The following SMURF2 variants were observed in gnomAD, a reference collection of about 807,000 sequenced individuals.
SMURF2 encodes SMAD specific E3 ubiquitin protein ligase 2.
A neutral mutation model predicts 109.6 loss-of-function variants in SMURF2; 48 were observed. The observed-to-expected ratio is 0.44, with a 90% CI of 0.35 to 0.56. The LOEUF (loss-of-function observed/expected upper bound fraction) is 0.56. SMURF2 is among the 20% of genes least tolerant of loss of function. The probability of loss-of-function intolerance (pLI) is 0.01; values close to 1 mark genes in which losing one functional copy is unlikely to be tolerated. For synonymous variants in SMURF2, 288 were observed against 317.1 expected, an observed-to-expected ratio of 0.91 and a Z score of 0.97; for missense variants, 575 against 909.0, an observed-to-expected ratio of 0.63 and a Z score of 4.72.
intron 6 of SMURF2, among the ~76,000 whole-genome samples, chr17:64,584,589 C>A (rs1296867432): frequency 6.6e-6 from 1 of 151,850 alleles, no homozygotes; most frequent in Non-Finnish European, 1.5e-5. Context: ...GATCTCTTGA[C>A]CATGTAGTCC....
chr17:64,614,826 G>A (rs1440963916), intron 1 of SMURF2, among the ~76,000 whole-genome samples: 1 of 152,178 alleles, frequency 6.6e-6, no homozygotes, highest in African/African-American at 2.4e-5. Flanking sequence ...ATAGTCCTTT[G>A]CTCTCAGAGC....
intron 9 of SMURF2, among the ~76,000 whole-genome samples, chr17:64,577,941 C>CTTTTT (rs1157721982): frequency 9.9e-5 from 12 of 121,206 alleles, no homozygotes; most frequent in African/African-American, 3.4e-4. Context: ...TTTCATTCCA[C>CTTTTT]TTTTTTTTTT....
chr17:64,589,389 TGA>T lies in SMURF2; in HGVS notation c.400+1693_400+1694del, dbSNP rs539581545. ...AGTGTTGTATGACTGAATTTATTTT[TGA>T]GTTTTTTTTTTTTTTTGCTCCCTTC... On this transcript the variant is annotated intron_variant, in intron 5 of 18. Coordinates refer to ENST00000262435, the MANE Select transcript of SMURF2 (RefSeq NM_022739.4). Among the ~76,000 whole-genome samples the T allele has an allele frequency of 6.3e-3, 950 of 151,732 alleles. 2 individuals carry two copies. The highest frequency in any genetic ancestry group is 9.7e-3 in the Non-Finnish European group (658 of 67,898).
Position 64,557,668 on chromosome 17 carries a change from G to T in SMURF2, c.1371C>A (p.Phe457Leu). 6.2e-7 allele frequency: 1 copy of T among 1,612,664 alleles called. No homozygotes were observed. Among genetic ancestry groups the T allele is most frequent in the Non-Finnish European group, 8.5e-7 (1 of 1,179,114 alleles). Reference sequence around the variant, plus strand: ...TATAAATATCATCTCTTGAATACTGGAAGAGGCCATAGTATGGATTCAACA... The same window carrying T: ...TATAAATATCATCTCTTGAATACTGTAAGAGGCCATAGTATGGATTCAACA... ...HEMLNPYYGL[F>L]QYSRDDIYTL... Residue 457 changes from phenylalanine (F) to leucine (L), a missense_variant, in exon 13 of 19, where the codon TTC (phenylalanine) becomes TTA (leucine). Physicochemically the swap from Phe to Leu is conservative, Grantham distance 22. Coordinates refer to ENST00000262435, the MANE Select transcript of SMURF2 (RefSeq NM_022739.4).
chr17:64,584,528 T>G (rs1555686893), intron 6 of SMURF2, among the ~76,000 whole-genome samples: 1 of 151,508 alleles, frequency 6.6e-6, no homozygotes, highest in Non-Finnish European at 1.5e-5. Context: ...CTGGCTACTT[T>G]TTGTATTTTT....
chr17:64,597,253 T>C (rs1969831299), intron 3 of SMURF2, among the ~76,000 whole-genome samples: 1 of 148,900 alleles, frequency 6.7e-6, no homozygotes, highest in South Asian at 2.1e-4. Flanking sequence ...AAAATTACCT[T>C]AAAAAAAAAA....
chr17:64,612,760 A>T (rs1187957127), intron 1 of SMURF2, among the ~76,000 whole-genome samples: 2 of 134,340 alleles, frequency 1.5e-5, no homozygotes, highest in Non-Finnish European at 3.3e-5. Context: ...ACCAATTCTT[A>T]AAAAAAAATC....
intron 1 of SMURF2, among the ~76,000 whole-genome samples, chr17:64,612,439 G>A (rs1970057984): frequency 6.6e-6 from 1 of 151,796 alleles, no homozygotes; most frequent in Admixed American, 6.6e-5. Flanking sequence ...AGGCCAAGGC[G>A]GGCAGATCAC....
intron 2 of SMURF2, among the ~76,000 whole-genome samples, chr17:64,601,730 G>A (rs1187753021): frequency 2.0e-5 from 3 of 151,994 alleles, no homozygotes; most frequent in Admixed American, 6.6e-5. Context: ...GTCATTATAC[G>A]AAAAAGATAC....
rs370520140 is a variant in SMURF2 at position 64,554,961 on chromosome 17, G to A, written c.1643C>T (p.Thr548Ile). The A allele has an allele frequency of 7.4e-5, 119 of 1,613,438 alleles. No homozygotes were observed. Among genetic ancestry groups the A allele is most frequent in the Non-Finnish European group, 9.7e-5 (114 of 1,179,696 alleles). Residue 548 changes from threonine (T) to isoleucine (I), a missense_variant, in exon 15 of 19, where the codon ACC becomes ATC. By Grantham distance (89) the Thr-to-Ile change is moderately conservative. Around this residue, in one of 5 missense-constraint regions of SMURF2, gnomAD observed 361 missense variants for 612.1 expected, o/e 0.59. Coordinates refer to ENST00000262435, the MANE Select transcript of SMURF2 (RefSeq NM_022739.4). ...ATATGCATTATGTTCAACACAGAAG[G>A]TATGGTCCAAAACACCTGTAATATC... ...ENDITGVLDHTFCVEHNAYGE... is the reference protein window; with the variant it reads ...ENDITGVLDHIFCVEHNAYGE...
At chr17:64,595,679 C>G (rs1462352255) in intron 3 of SMURF2, among the ~76,000 whole-genome samples, 1 of 152,070 alleles carries the variant, frequency 6.6e-6, no homozygotes, top group Non-Finnish European at 1.5e-5. Flanking sequence ...TGTAAAATGA[C>G]TTTGGAAACA....
At chr17:64,566,059 G>A (rs1036142245) in intron 10 of SMURF2, among the ~76,000 whole-genome samples, 3 of 151,760 alleles carry the variant, frequency 2.0e-5, no homozygotes, top group African/African-American at 4.8e-5. Context: ...TATATTTGAC[G>A]GCTCATAGAC....
rs529526957 is a variant in SMURF2, at chr17:64,641,858, AT to A, written c.52+19970del. ...AACTATTAGTCTCACTCCAGCTGGA[AT>A]GCAATGGCACAATCTCGGCTCACTG... is the stretch of plus-strand genomic sequence containing the variant. On this transcript the variant is annotated intron_variant, in intron 1 of 18. Coordinates refer to ENST00000262435, the MANE Select transcript of SMURF2 (RefSeq NM_022739.4). Among the ~76,000 whole-genome samples the A allele has an allele frequency of 3.2e-4, 49 of 152,292 alleles. 1 individual carries two copies. In the South Asian group the frequency reaches 1.0e-2, roughly 31 times the overall value.
At chr17:64,609,813 T>A (rs1415259253) in intron 1 of SMURF2, among the ~76,000 whole-genome samples, 7 of 151,676 alleles carry the variant, frequency 4.6e-5, no homozygotes, top group African/African-American at 1.5e-4. Flanking sequence ...AAGAAACTCA[T>A]CAGAGTGAAC....
intron 1 of SMURF2, among the ~76,000 whole-genome samples, chr17:64,628,369 G>A (rs1970294611): frequency 6.6e-6 from 1 of 152,132 alleles, no homozygotes; most frequent in South Asian, 2.1e-4. Flanking sequence ...AGTATTCTAT[G>A]TATACATTTT....
In SMURF2 at chr17:64,593,445, G is replaced by A; in HGVS notation, c.329C>T (p.Thr110Ile). The A allele has an allele frequency of 1.2e-6, 2 of 1,607,084 alleles. No individual in the cohort carries two copies. Among genetic ancestry groups the A allele is most frequent in the East Asian group, 2.2e-5 (1 of 44,850 alleles). Residue 110 changes from threonine (T) to isoleucine (I), a missense_variant, in exon 4 of 19, where the codon ACT becomes ATT. By Grantham distance (89) the Thr-to-Ile change is moderately conservative. Coordinates refer to ENST00000262435, the MANE Select transcript of SMURF2 (RefSeq NM_022739.4). Reference protein sequence around the residue: ...LSNAINRLKDTGYQRLDLCKL... With the variant: ...LSNAINRLKDIGYQRLDLCKL... The stretch of plus-strand genomic sequence containing the variant: ...AAGCACTCGTATCTACTCACAACCA[G>A]TGTCTTTGAGGCGGTTGATGGCATT...
At chr17:64,631,279 G>GAGAGAGAGAGAGAGAGAGAGAGAGAGA (rs1970338448) in intron 1 of SMURF2, among the ~76,000 whole-genome samples, 1 of 7,442 alleles carries the variant, frequency 1.3e-4, no homozygotes, top group Non-Finnish European at 2.9e-4. Flanking sequence ...AGAGGGGGGG[G>GAGAGAGAGAGAGAGAGAGAGAGAGAGA]GGGAGAGAGA....
intron 1 of SMURF2, among the ~76,000 whole-genome samples, chr17:64,612,317 CT>C (rs1405950599): frequency 1.3e-5 from 2 of 151,942 alleles, no homozygotes; most frequent in African/African-American, 4.8e-5. Context: ...ATCTAAATAA[CT>C]TTTTATACTA....
At chr17:64,588,134 G>GT (rs1318896676) in intron 5 of SMURF2, among the ~76,000 whole-genome samples, 1 of 142,288 alleles carries the variant, frequency 7.0e-6, no homozygotes, top group African/African-American at 2.6e-5. Flanking sequence ...ATTTAAACCA[G>GT]TTTTTAAAAA....
Sources: gnomAD v4.1 joint callset for allele counts (sites outside exome capture counted in the v4.1 genomes callset) on GRCh38, gnomAD v4.1.1 for gene constraint, gnomAD v4.1.1 regional missense constraint, MANE v1.5 for transcripts, NCBI Gene and HGNC (gene_info 2026-07-23, HGNC 2026-07-21) for gene names.